Variants in CFAP44 observed in about 807,000 individuals in gnomAD.
The protein encoded by CFAP44 is cilia and flagella associated protein 44, also known as cilia- and flagella-associated protein 44.
CFAP44 carries 134 observed loss-of-function variants against 216.2 expected under a neutral mutation model. That is an observed-to-expected ratio of 0.62 (90% CI 0.54 to 0.72). The LOEUF is 0.72. Ranked by LOEUF, CFAP44 falls within the 30% of genes least tolerant of loss-of-function variation. The probability of loss-of-function intolerance (pLI) is 0.00; values close to 1 mark genes in which losing one functional copy is unlikely to be tolerated. For missense variants in CFAP44, 2,035 were observed against 2,182.1 expected, an observed-to-expected ratio of 0.93 and a Z score of 1.34; for synonymous variants, 700 against 727.6, an observed-to-expected ratio of 0.96 and a Z score of 0.61.
chr3:113,320,252 C>T (rs1950129801), intron 28 of CFAP44, among the ~76,000 whole-genome samples: 1 of 149,824 alleles, frequency 6.7e-6, no homozygotes, highest in Non-Finnish European at 1.5e-5. Context: ...CTCTCTCTCT[C>T]TCAATATATA....
At chr3:113,409,480 T>C (rs549289940) in intron 6 of CFAP44, among the ~76,000 whole-genome samples, 158 bp from the exon 7 acceptor site, 1 of 152,374 alleles carries the variant, frequency 6.6e-6, no homozygotes, top group South Asian at 2.1e-4. Flanking sequence ...TCTTTGGCTT[T>C]AGAATGAATT....
At chr3:113,325,100 G>A (rs1950177419) in intron 28 of CFAP44, among the ~76,000 whole-genome samples, 1 of 151,968 alleles carries the variant, frequency 6.6e-6, no homozygotes, top group African/African-American at 2.4e-5. Context: ...TCAAGAGATT[G>A]AGATCATCCT....
At chr3:113,347,423 C>T (rs1297052802) in intron 22 of CFAP44, among the ~76,000 whole-genome samples, 2 of 152,168 alleles carry the variant, frequency 1.3e-5, no homozygotes, top group African/African-American at 4.8e-5. Context: ...CCTCCTGGGT[C>T]TTAATGCCTG....
intron 22 of CFAP44, among the ~76,000 whole-genome samples, chr3:113,355,081 G>T (rs1168592692): frequency 1.3e-5 from 2 of 152,112 alleles, no homozygotes. Flanking sequence ...GAAAGGGTGG[G>T]GGATGGTGAA....
intron 32 of CFAP44, among the ~76,000 whole-genome samples, chr3:113,302,457 T>TAAAAAAAAAAAAAAAAAAAAAAA (rs60866565): frequency 1.2e-4 from 9 of 75,794 alleles, no homozygotes; most frequent in Admixed American, 1.6e-4. Context: ...CTAGACAAAG[T>TAAAAAAAAAAAAAAAAAAAAAAA]AAAAAAAAAA....
rs532620911 is a variant in CFAP44 at position 113,391,171 on chromosome 3, A to C, written c.1890+4579T>G. Among the ~76,000 whole-genome samples the C allele has an allele frequency of 5.3e-5, 8 of 152,260 alleles. No individual in the cohort carries two copies. In the East Asian group the frequency reaches 1.5e-3, roughly 29 times the overall value. On this transcript the variant is annotated intron_variant, in intron 15 of 34. Coordinates refer to ENST00000393845, the MANE Select transcript of CFAP44 (RefSeq NM_001164496.2). ...CACAGACCAATAGAACAGAATACAG[A>C]ATGCAAAAACAAATCCATACATCTA...
In CFAP44 at chr3:113,433,572, T is replaced by A; in HGVS notation, c.93A>T (p.Glu31Asp). 6.2e-7 allele frequency: 1 copy of A among 1,609,448 alleles called. No homozygotes were observed. Among genetic ancestry groups the A allele is most frequent in the Non-Finnish European group, 8.5e-7 (1 of 1,176,932 alleles). Reference protein sequence around the residue: ...GKKSLRSSKSESRSPVQEDNT... With the variant: ...GKKSLRSSKSDSRSPVQEDNT... ...CATATTATCTTTACTTACATCTTGA[T>A]TCTGATTTAGAAGACCTCAGAGACT... The change falls in exon 2 of 35, where the codon GAA (glutamate) becomes GAT (aspartate). Residue 31 changes from glutamate (E) to aspartate (D), a missense_variant. This residue lies in a region of CFAP44 where 149 missense variants were observed against 141.8 expected (regional missense o/e 1.05). Coordinates refer to ENST00000393845, the MANE Select transcript of CFAP44 (RefSeq NM_001164496.2).
chr3:113,362,772 C>T (rs1026942265), intron 21 of CFAP44: 41 of 513,466 alleles, frequency 8.0e-5, no homozygotes, highest in South Asian at 1.1e-4. Context: ...TAGTTCCCAA[C>T]GAAGCCAGCC....
intron 24 of CFAP44, among the ~76,000 whole-genome samples, chr3:113,336,565 T>C (rs1950283479): frequency 6.6e-6 from 1 of 152,068 alleles, no homozygotes; most frequent in Admixed American, 6.5e-5. Flanking sequence ...TAAATTTGTA[T>C]TTAAAACTAT....
chr3:113,294,450 T>C (rs1315084029), intron 34 of CFAP44: 12 of 459,512 alleles, frequency 2.6e-5, no homozygotes, highest in East Asian at 7.7e-5. Flanking sequence ...GGCAATTCTA[T>C]TGATTAGTAC....
chr3:113,313,424 G>C (rs76642230), intron 28 of CFAP44, among the ~76,000 whole-genome samples: 2 of 152,110 alleles, frequency 1.3e-5, no homozygotes, highest in African/African-American at 2.4e-5. Context: ...CCTTGCCTCA[G>C]ATGAGACTTA....
chr3:113,332,175 T>C (rs75326971), intron 25 of CFAP44, among the ~76,000 whole-genome samples: 141 of 152,296 alleles, frequency 9.3e-4, no homozygotes, highest in Non-Finnish European at 1.6e-3. Flanking sequence ...ATTGGATAAA[T>C]TGTGGTCATA....
intron 24 of CFAP44, 107 bp from the exon 25 acceptor site, chr3:113,333,690 T>A: frequency 7.9e-7 from 1 of 1,260,534 alleles, no homozygotes; most frequent in Non-Finnish European, 1.0e-6. Flanking sequence ...AACAAAAGTA[T>A]GATTTCAAAT....
At chr3:113,385,743 G>A (rs1036478469) in intron 15 of CFAP44, among the ~76,000 whole-genome samples, 9 of 151,704 alleles carry the variant, frequency 5.9e-5, no homozygotes, top group South Asian at 2.1e-4. Context: ...GGGTTCAAGC[G>A]ATTCTCCCAC....
At chr3:113,301,627 G>T (rs1336057512) in intron 32 of CFAP44, among the ~76,000 whole-genome samples, 1 of 152,064 alleles carries the variant, frequency 6.6e-6, no homozygotes, top group East Asian at 1.9e-4. Flanking sequence ...GGAAACTACT[G>T]AAAATGATCT....
Position 113,409,297 on chromosome 3 carries a change from A to G in CFAP44, c.699T>C (p.Tyr233=). The change falls in exon 7 of 35, where the codon TAT becomes TAC. Residue 233 remains tyrosine, a synonymous_variant. Transcript: ENST00000393845. ...LRDGTEKGYA[Y]VDFNYSGNLL... ...AGTTACCGCTGTAGTTAAAGTCCAC[A>G]TAAGCATATCCCTTCTCAGTCCCAT... 6.2e-7 allele frequency: 1 copy of G among 1,614,150 alleles called. No individual in the cohort carries two copies. The highest frequency in any genetic ancestry group is 8.5e-7 in the Non-Finnish European group (1 of 1,180,014).
chr3:113,380,987 T>A lies in CFAP44; in HGVS notation c.1964A>T (p.Glu655Val), dbSNP rs1255727765. Residue 655 changes from glutamate to valine, a missense_variant, in exon 16 of 35, where the codon GAA becomes GTA. By Grantham distance (121) the Glu-to-Val change is moderately radical. Transcript: ENST00000393845. ...LEAPLPTIKQ[E>V]EDDHDVVSYE... ...GGAGACTACATCATGATCATCCTCT[T>A]CTTGCTTTATGGTTGGAAGTGGAGC... 1 of 1,601,404 alleles carries A rather than the reference T, an allele frequency of 6.2e-7. No individual in the cohort carries two copies. Among genetic ancestry groups the A allele is most frequent in the Non-Finnish European group, 8.5e-7 (1 of 1,173,844 alleles).
chr3:113,331,955 T>C (rs752723571), intron 25 of CFAP44, among the ~76,000 whole-genome samples: 1 of 152,188 alleles, frequency 6.6e-6, no homozygotes, highest in Non-Finnish European at 1.5e-5. Context: ...TTTTTACAGA[T>C]GAAATAAAAG....
chr3:113,334,648 AAATT>A (rs1950267002), intron 24 of CFAP44, among the ~76,000 whole-genome samples: 1 of 152,172 alleles, frequency 6.6e-6, no homozygotes, highest in East Asian at 1.9e-4. Context: ...ATATTTAGCA[AAATT>A]AATTAAAGGA....
Sources: allele counts gnomAD v4.1 joint callset (sites outside exome capture counted in the v4.1 genomes callset), GRCh38; gene constraint gnomAD v4.1.1; regional missense constraint gnomAD v4.1.1; transcripts MANE v1.5; gene names NCBI Gene and HGNC (gene_info 2026-07-23, HGNC 2026-07-21).